Variants in BTBD8 observed in about 807,000 individuals in gnomAD.
The protein encoded by BTBD8 is BTB domain containing 8.
BTBD8 carries 110 observed loss-of-function variants against 162.9 expected under a neutral mutation model. The observed-to-expected ratio is 0.68, with a 90% CI of 0.58 to 0.79. BTBD8 has a LOEUF of 0.79. BTBD8 is among the 30% of genes least tolerant of loss of function. The pLI, the probability that BTBD8 is intolerant of heterozygous loss-of-function variation, is 0.00. For synonymous variants in BTBD8, 667 were observed against 716.1 expected (o/e 0.93, Z 1.10); for missense variants, 1,905 against 2,085.4 (o/e 0.91, Z 1.68).
chr1:92,152,147 T>C (rs568700189), intron 9 of BTBD8, among the ~76,000 whole-genome samples: 1 of 152,288 alleles, frequency 6.6e-6, no homozygotes, highest in African/African-American at 2.4e-5. Context: ...AAATATAATA[T>C]GATAAGTGCT....
intron 9 of BTBD8, among the ~76,000 whole-genome samples, chr1:92,159,457 A>C (rs1485223865): frequency 6.6e-6 from 1 of 152,164 alleles, no homozygotes; most frequent in Non-Finnish European, 1.5e-5. Context: ...GATTACAGGC[A>C]TGAGCCACCA....
chr1:92,154,479 A>G (rs1650114647), intron 9 of BTBD8, among the ~76,000 whole-genome samples: 1 of 152,142 alleles, frequency 6.6e-6, no homozygotes, highest in Non-Finnish European at 1.5e-5. Flanking sequence ...TAGCCATCCA[A>G]ACAGATGTGC....
chr1:92,087,711 A>G (rs1648197381), intron 1 of BTBD8, among the ~76,000 whole-genome samples: 2 of 152,220 alleles, frequency 1.3e-5, no homozygotes, highest in Admixed American at 1.3e-4. Flanking sequence ...AGGAGCCATT[A>G]ACTTGGTCCT....
chr1:92,082,236 A>G (rs1648038234), intron 1 of BTBD8, among the ~76,000 whole-genome samples: 1 of 152,208 alleles, frequency 6.6e-6, no homozygotes. Flanking sequence ...AAACAAAACA[A>G]AACAAAATGC....
intron 2 of BTBD8, among the ~76,000 whole-genome samples, chr1:92,091,123 C>T (rs1341206654): frequency 6.6e-6 from 1 of 152,044 alleles, no homozygotes. Context: ...GAGGAGGGGC[C>T]TAGTGGGAGG....
chr1:92,123,137 A>T (rs903455466), intron 4 of BTBD8, among the ~76,000 whole-genome samples: 2 of 152,200 alleles, frequency 1.3e-5, no homozygotes, highest in African/African-American at 2.4e-5. Flanking sequence ...TAACGCCCTC[A>T]TGAAAAGCAA....
intron 12 of BTBD8, among the ~76,000 whole-genome samples, chr1:92,170,772 C>A (rs1453069093): frequency 1.3e-5 from 2 of 151,994 alleles, no homozygotes; most frequent in Non-Finnish European, 2.9e-5. Context: ...CATTCAAATT[C>A]TTATTTGAAG....
chr1:92,128,424 G>A (rs1406219428), intron 4 of BTBD8, among the ~76,000 whole-genome samples: 4 of 152,014 alleles, frequency 2.6e-5, no homozygotes, highest in Admixed American at 2.6e-4. Context: ...GACAACAGGC[G>A]CCTGTCACCA....
intron 2 of BTBD8, among the ~76,000 whole-genome samples, chr1:92,099,594 T>C (rs1648535893): frequency 6.6e-6 from 1 of 152,208 alleles, no homozygotes; most frequent in South Asian, 2.1e-4. Flanking sequence ...AATGAGTGTC[T>C]TATACTTCTT....
Position 92,121,309 on chromosome 1 carries a change from A to G in BTBD8, c.663-8378A>G, listed in dbSNP as rs2391113. Among the ~76,000 whole-genome samples the G allele has an allele frequency of 1.9e-3, 292 of 152,304 alleles. 4 individuals carry two copies. The highest frequency in any genetic ancestry group is 6.7e-3 in the African/African-American group (277 of 41,574). On this transcript the variant is annotated intron_variant, in intron 4 of 17. Transcript: ENST00000636805. The stretch of plus-strand genomic sequence containing the variant: ...CTAATATTTTGTTTAGGAATTTTGC[A>G]TCTATGTTCATGAGACAGATCGGCC...
intron 4 of BTBD8, chr1:92,115,411 C>T (rs1000003590): frequency 1.4e-5 from 7 of 493,492 alleles, no homozygotes; most frequent in South Asian, 7.5e-5. Context: ...ATGCCCATCA[C>T]GAACATGGGG....
rs754028113 is a variant in BTBD8, at chr1:92,181,146, G to A, written c.3463G>A (p.Gly1155Ser). Reference protein sequence around the residue: ...VSLCNPERTNGTLNSAQEDKK... With the variant: ...VSLCNPERTNSTLNSAQEDKK... ...ACTGTGTAATCCTGAAAGGACAAAT[G>A]GTACCTTAAATTCTGCTCAAGAAGA... Residue 1155 changes from glycine to serine, a missense_variant, in exon 17 of 18, where the codon GGT (glycine) becomes AGT (serine). Coordinates refer to ENST00000636805, the MANE Select transcript of BTBD8 (RefSeq NM_001376131.1). 6.4e-6 allele frequency: 10 copies of A among 1,551,386 alleles called. No homozygotes were observed. Among genetic ancestry groups the A allele is most frequent in the Non-Finnish European group, 8.7e-6 (10 of 1,146,976 alleles).
chr1:92,153,692 T>C (rs1650096842), intron 9 of BTBD8, among the ~76,000 whole-genome samples: 1 of 152,232 alleles, frequency 6.6e-6, no homozygotes, highest in Non-Finnish European at 1.5e-5. Flanking sequence ...AATTTCCTTC[T>C]TTTTAAAGAA....
At chr1:92,092,554 C>G (rs1364795475) in intron 2 of BTBD8, among the ~76,000 whole-genome samples, 1 of 152,134 alleles carries the variant, frequency 6.6e-6, no homozygotes, top group Non-Finnish European at 1.5e-5. Context: ...TTCTAGCCTC[C>G]GAAAACTGAG....
chr1:92,138,914 A>T (rs906419782), intron 5 of BTBD8, among the ~76,000 whole-genome samples: 6 of 152,220 alleles, frequency 3.9e-5, no homozygotes, highest in African/African-American at 1.4e-4. Context: ...TCTTAGAGCC[A>T]CTGACAGGTG....
intron 9 of BTBD8, chr1:92,150,864 TC>T (rs1220493835): frequency 6.6e-6 from 1 of 152,198 alleles, no homozygotes; most frequent in Non-Finnish European, 1.5e-5. Flanking sequence ...AATCCTTTTT[TC>T]CCTTATCAAC....
At chr1:92,131,529 G>A (rs1649515281) in intron 5 of BTBD8, among the ~76,000 whole-genome samples, 1 of 152,148 alleles carries the variant, frequency 6.6e-6, no homozygotes, top group Admixed American at 6.5e-5. Context: ...TTCAGGACCA[G>A]CCTGACCAAC....
chr1:92,108,089 A>C, intron 4 of BTBD8, 88 bp downstream of exon 4: 1 of 1,284,110 alleles, frequency 7.8e-7, no homozygotes, highest in Non-Finnish European at 1.1e-6. Context: ...TGGTTTTCAA[A>C]CTCTGGTTTT....
Position 92,168,911 on chromosome 1 carries a change from T to C in BTBD8, c.1489T>C (p.Phe497Leu), listed in dbSNP as rs912912882. 1 of 1,544,982 alleles carries C rather than the reference T, an allele frequency of 6.5e-7. No homozygotes were observed. Among genetic ancestry groups the C allele is most frequent in the Non-Finnish European group, 8.8e-7 (1 of 1,141,966 alleles). ...GGCTCTGCGTGATAAGCTGTGGATC[T>C]TCCTGGTTCAGTCTTTCTATGCTGT... ...IQALRDKLWIFLVQSFYAVRH... is the reference protein window; with the variant it reads ...IQALRDKLWILLVQSFYAVRH... The change falls in exon 12 of 18, where the codon TTC (phenylalanine) becomes CTC (leucine). Residue 497 changes from phenylalanine (F) to leucine (L), a missense_variant. Phe to Leu is a conservative substitution (Grantham distance 22). This residue lies in a region of BTBD8 where 1,374 missense variants were observed against 1,442.7 expected (regional missense o/e 0.95). Transcript: ENST00000636805.
Sources: allele counts gnomAD v4.1 joint callset (sites outside exome capture counted in the v4.1 genomes callset), GRCh38; gene constraint gnomAD v4.1.1; regional missense constraint gnomAD v4.1.1; transcripts MANE v1.5; gene names NCBI Gene and HGNC (gene_info 2026-07-23, HGNC 2026-07-21).